Variants in KTN1 observed in about 807,000 individuals in gnomAD.
The protein encoded by KTN1 is kinectin.
A neutral mutation model predicts 222.5 loss-of-function variants in KTN1; 130 were observed. The observed-to-expected ratio is 0.58, with a 90% confidence interval of 0.51 to 0.68. KTN1 has a LOEUF of 0.68. Ranked by LOEUF, KTN1 falls within the 30% of genes least tolerant of loss-of-function variation. The pLI is 0.00. For missense variants in KTN1, 1,508 were observed against 1,500.4 expected (o/e 1.01, Z -0.08); for synonymous variants, 512 against 496.3 (o/e 1.03, Z -0.42).
chr14:55,645,650 A>C (rs2042210206), intron 18 of KTN1, among the ~76,000 whole-genome samples: 1 of 152,202 alleles, frequency 6.6e-6, no homozygotes, highest in African/African-American at 2.4e-5. Context: ...GATTTAATGT[A>C]CTTTTGACAA....
At chr14:55,590,980 A>G (rs775379122) in intron 1 of KTN1, among the ~76,000 whole-genome samples, 3 of 152,142 alleles carry the variant, frequency 2.0e-5, no homozygotes, top group Non-Finnish European at 2.9e-5. Context: ...GGCCCAGGAT[A>G]TTCTTTCACC....
chr14:55,619,971 C>T (rs371039525), intron 5 of KTN1, among the ~76,000 whole-genome samples: 14 of 152,246 alleles, frequency 9.2e-5, no homozygotes, highest in Middle Eastern at 3.4e-3. Flanking sequence ...AAGTCCCTTC[C>T]GCCTATGAGC....
chr14:55,662,565 G>A (rs1206495566), intron 32 of KTN1, among the ~76,000 whole-genome samples: 2 of 152,216 alleles, frequency 1.3e-5, no homozygotes, highest in African/African-American at 4.8e-5. Flanking sequence ...GGCAACACCT[G>A]TAAGTAGAGT....
intron 24 of KTN1, 117 bp downstream of exon 24, chr14:55,650,754 T>A: frequency 1.6e-6 from 1 of 632,956 alleles, no homozygotes; most frequent in South Asian, 2.4e-5. Context: ...TATTGGGTTA[T>A]GTGCTTTTAA....
At chr14:55,630,308 A>T (rs1221597470) in intron 7 of KTN1, among the ~76,000 whole-genome samples, 1 of 152,206 alleles carries the variant, frequency 6.6e-6, no homozygotes, top group Non-Finnish European at 1.5e-5. Context: ...AGAGATAAGT[A>T]TTGGCGACTT....
intron 5 of KTN1, among the ~76,000 whole-genome samples, chr14:55,626,227 A>G (rs374215228): frequency 1.2e-4 from 18 of 151,798 alleles, no homozygotes; most frequent in African/African-American, 4.3e-4. Flanking sequence ...AAACCCTAAC[A>G]CATAACCAAA....
At position 55,672,040 on chromosome 14, in the gene KTN1, T is replaced by C; in HGVS notation, c.3531+163T>C. The C allele has an allele frequency of 1.0e-5, 6 of 592,268 alleles. No individual in the cohort carries two copies. The South Asian group carries it at 1.3e-4, about 13-fold the overall frequency. The allele number at this position is 592,268 out of a possible 1,614,324, so 36.7% of individuals were successfully genotyped here. A position where few individuals can be genotyped will look rare whatever the true frequency, so the allele number is the denominator to read the frequency against. On this transcript the variant is annotated intron_variant, in intron 37 of 43. Transcript: ENST00000395314. ...CTGTGTTTTCATGAGCCCTCCAGAA[T>C]AGTCTAATGCCCACCCAAGTTTGAA...
In KTN1 at chr14:55,655,508, C is replaced by A. The variant is rs890525795; in HGVS notation, c.2802-534C>A. Among the ~76,000 whole-genome samples, 38 of 152,118 alleles carry A rather than the reference C, an allele frequency of 2.5e-4. 1 individual carries two copies. Among genetic ancestry groups the A allele is most frequent in the Non-Finnish European group, 5.9e-5 (4 of 68,010 alleles). On this transcript the variant is annotated intron_variant, in intron 28 of 43. Coordinates refer to ENST00000395314, the MANE Select transcript of KTN1 (RefSeq NM_001079521.2). ...TACCGAAATGGATAAGATTTCCTAT[C>A]CTGAGGAAACAGTTAAACACATCAT...
intron 43 of KTN1, chr14:55,683,242 G>C (rs999095280): frequency 2.7e-4 from 41 of 152,000 alleles, no homozygotes; most frequent in Non-Finnish European, 1.0e-4. Flanking sequence ...TGATAACTTT[G>C]CTTTTTAATT....
Position 55,648,729 on chromosome 14 carries a change from A to G in KTN1, c.2299-73A>G, listed in dbSNP as rs1287590822. ...AAAGAAGCAGCTAAAGAAATGAGAA[A>G]CTAATGTATTTTGAAGCTAGCTATA... is the stretch of plus-strand genomic sequence containing the variant. On this transcript the variant is annotated intron_variant, in intron 20 of 43. Coordinates refer to ENST00000395314, the MANE Select transcript of KTN1 (RefSeq NM_001079521.2). 14 of 970,026 alleles carry G rather than the reference A, an allele frequency of 1.4e-5. No individual in the cohort carries two copies. In the East Asian group the frequency reaches 3.1e-4, roughly 22 times the overall value. 60.1% of individuals were successfully genotyped at this position (970,026 alleles called of 1,614,324 possible).
At chr14:55,588,459 T>C (rs2033476850) in intron 1 of KTN1, among the ~76,000 whole-genome samples, 1 of 152,202 alleles carries the variant, frequency 6.6e-6, no homozygotes, top group Non-Finnish European at 1.5e-5. Context: ...CATGGTGTTA[T>C]TCAGGGTTTA....
At chr14:55,637,421 T>C in intron 11 of KTN1, 57 bp downstream of exon 11, 1 of 1,224,766 alleles carries the variant, frequency 8.2e-7, no homozygotes, top group Non-Finnish European at 1.1e-6. Context: ...TTATTAGATC[T>C]GTGTGTCTAG....
intron 1 of KTN1, among the ~76,000 whole-genome samples, chr14:55,600,874 A>G (rs2140462817): frequency 6.6e-6 from 1 of 151,118 alleles, no homozygotes; most frequent in Non-Finnish European, 1.5e-5. Context: ...ATTATAAATT[A>G]GATTTTTTTT....
intron 28 of KTN1, among the ~76,000 whole-genome samples, chr14:55,654,577 GATTTT>G (rs1400069512): frequency 6.7e-6 from 1 of 149,252 alleles, no homozygotes; most frequent in East Asian, 2.0e-4. Context: ...TAAATTAATA[GATTTT>G]ATTTTTTGTG....
At chr14:55,663,210 G>T in intron 32 of KTN1, 1 of 205,706 alleles carries the variant, frequency 4.9e-6, no homozygotes. Flanking sequence ...TTCGTTGTTG[G>T]TTTTTATCTG....
At chr14:55,648,499 ATGTATT>A (rs1246562349) in intron 20 of KTN1, among the ~76,000 whole-genome samples, 2 of 152,196 alleles carry the variant, frequency 1.3e-5, no homozygotes. Context: ...AAGTTAAAAG[ATGTATT>A]TGAATGTAGG....
chr14:55,661,715 A>T, intron 32 of KTN1, 103 bp downstream of exon 32: 1 of 585,720 alleles, frequency 1.7e-6, no homozygotes, highest in Admixed American at 3.2e-5. Context: ...TAGATTTCTT[A>T]ATCTTTGTAA....
intron 18 of KTN1, among the ~76,000 whole-genome samples, chr14:55,646,482 TTCC>T (rs2042342014): frequency 3.6e-5 from 3 of 82,412 alleles, no homozygotes; most frequent in African/African-American, 5.4e-5. Context: ...TTCCTTTCCT[TTCC>T]TTTCCTTTCC....
chr14:55,677,937 A>G (rs2046027136), intron 41 of KTN1, among the ~76,000 whole-genome samples: 2 of 152,178 alleles, frequency 1.3e-5, no homozygotes, highest in African/African-American at 2.4e-5. Flanking sequence ...ACCTCAGGTG[A>G]TCCGCCCGCC....
Sources: allele counts gnomAD v4.1 joint callset (sites outside exome capture counted in the v4.1 genomes callset), GRCh38; gene constraint gnomAD v4.1.1; transcripts MANE v1.5; gene names NCBI Gene and HGNC (gene_info 2026-07-23, HGNC 2026-07-21).